FHIP1A: variants seen among roughly 807,000 people sequenced by gnomAD.
FHIP1A encodes the protein FHF complex subunit HOOK interacting protein 1A, also known as FHF complex subunit HOOK-interacting protein 1A.
In FHIP1A, 61 loss-of-function variants were observed where a neutral mutation model predicts 88.6. The observed-to-expected ratio is 0.69, with a 90% CI of 0.56 to 0.85. FHIP1A has a LOEUF of 0.85. Among genes scored for constraint, FHIP1A ranks in the 40% least tolerant of loss-of-function variants. The pLI is 0.00. For missense variants in FHIP1A, 1,154 were observed against 1,273.5 expected, an observed-to-expected ratio of 0.91 and a Z score of 1.43; for synonymous variants, 478 against 496.0, an observed-to-expected ratio of 0.96 and a Z score of 0.48.
chr4:151,493,197 A>C (rs771258354), intron 3 of FHIP1A, among the ~76,000 whole-genome samples: 2 of 152,190 alleles, frequency 1.3e-5, no homozygotes, highest in Non-Finnish European at 2.9e-5. Flanking sequence ...TACTATGAAC[A>C]CCTTTATGGC....
intron 1 of FHIP1A, among the ~76,000 whole-genome samples, chr4:151,422,590 C>T (rs1488856078): frequency 6.6e-6 from 1 of 152,098 alleles, no homozygotes; most frequent in Non-Finnish European, 1.5e-5. Context: ...GGGGTTTTGC[C>T]ATGTTGGCCA....
rs769507311 is a variant in FHIP1A at position 151,522,124 on chromosome 4, G to C, written c.-123+39476G>C. Among the ~76,000 whole-genome samples the C allele has an allele frequency of 4.4e-4, 67 of 152,138 alleles. 1 individual carries two copies. Among genetic ancestry groups the C allele is most frequent in the Admixed American group, 4.3e-3 (66 of 15,268 alleles). On this transcript the variant is annotated intron_variant, in intron 3 of 13. Transcript: ENST00000435205. ...TAAATCAATAAGAATCTTTAGGCAG[G>C]CTGTCCCCTTTTTCTCTCTTTCCTC... is the stretch of plus-strand genomic sequence containing the variant.
At chr4:151,538,120 G>A (rs1344110242) in intron 3 of FHIP1A, among the ~76,000 whole-genome samples, 1 of 152,286 alleles carries the variant, frequency 6.6e-6, no homozygotes, top group East Asian at 1.9e-4. Flanking sequence ...CGTTCCCTTA[G>A]ACCATAGTAG....
chr4:151,553,896 G>C (rs895930713), intron 3 of FHIP1A, among the ~76,000 whole-genome samples: 1 of 152,272 alleles, frequency 6.6e-6, no homozygotes, highest in Middle Eastern at 3.4e-3. Context: ...ATCACATCAT[G>C]TTTTTATCAG....
intron 3 of FHIP1A, among the ~76,000 whole-genome samples, chr4:151,556,024 A>G (rs1170289760): frequency 6.6e-6 from 1 of 152,130 alleles, no homozygotes; most frequent in Non-Finnish European, 1.5e-5. Flanking sequence ...TTTGGAGAGA[A>G]TAATTTTATT....
intron 8 of FHIP1A, 101 bp from the exon 9 acceptor site, chr4:151,638,576 A>C: frequency 1.5e-6 from 1 of 662,286 alleles, no homozygotes; most frequent in South Asian, 2.5e-5. Context: ...AAAAAAAAAA[A>C]AAGGCCATTA....
intron 3 of FHIP1A, among the ~76,000 whole-genome samples, chr4:151,553,769 T>C (rs1362890428): frequency 6.6e-6 from 1 of 152,202 alleles, no homozygotes; most frequent in Non-Finnish European, 1.5e-5. Flanking sequence ...CTCTGAAAGT[T>C]GGATATGTGA....
intron 1 of FHIP1A, among the ~76,000 whole-genome samples, chr4:151,423,772 A>C (rs1733263086): frequency 6.6e-6 from 1 of 152,214 alleles, no homozygotes; most frequent in South Asian, 2.1e-4. Context: ...GCAAAGCCAC[A>C]AAAGGTAGTG....
intron 3 of FHIP1A, among the ~76,000 whole-genome samples, chr4:151,489,990 C>T (rs1396815417): frequency 1.3e-5 from 2 of 152,278 alleles, no homozygotes; most frequent in East Asian, 3.9e-4. Context: ...AAGGTTATAT[C>T]CCCCTTCTAC....
At chr4:151,505,561 C>T (rs550801677) in intron 3 of FHIP1A, among the ~76,000 whole-genome samples, 5 of 152,206 alleles carry the variant, frequency 3.3e-5, no homozygotes, top group Non-Finnish European at 5.9e-5. Flanking sequence ...ACTCAGATGA[C>T]CACTGTGAAG....
At chr4:151,620,530 C>G (rs1393087984) in intron 7 of FHIP1A, among the ~76,000 whole-genome samples, 1 of 152,028 alleles carries the variant, frequency 6.6e-6, no homozygotes, top group Non-Finnish European at 1.5e-5. Context: ...CTCTTCTTGC[C>G]TGGTTTTATA....
intron 7 of FHIP1A, among the ~76,000 whole-genome samples, chr4:151,607,493 G>T (rs1735118513): frequency 6.6e-6 from 1 of 152,212 alleles, no homozygotes; most frequent in Non-Finnish European, 1.5e-5. Flanking sequence ...AAGAGGCTTT[G>T]ACTTGGGAAT....
intron 3 of FHIP1A, among the ~76,000 whole-genome samples, chr4:151,547,237 T>C (rs1732540279): frequency 6.6e-6 from 1 of 152,116 alleles, no homozygotes; most frequent in African/African-American, 2.4e-5. Context: ...GCTGGTGATA[T>C]GTTAGAAAGA....
chr4:151,629,868 G>T lies in FHIP1A; in HGVS notation c.1145G>T (p.Arg382Leu). ...ACGAGTCGAATCAACACCCCGTTTC[G>T]GGTAAGGAGAGCGCCAGAGGAAGGG... The part of the protein sequence containing the change: ...TLTSRINTPF[R>L]LCVVSLALFR... The change falls in exon 8 of 14, where the codon CGG (arginine) becomes CTG (leucine). Residue 382 changes from arginine (R) to leucine (L), a missense_variant and splice_region_variant. Physicochemically the swap from Arg to Leu is moderately radical, Grantham distance 102. Transcript: ENST00000435205. 1 of 1,550,518 alleles carries T rather than the reference G, an allele frequency of 6.4e-7. No individual in the cohort carries two copies. Among genetic ancestry groups the T allele is most frequent in the South Asian group, 1.2e-5 (1 of 83,878 alleles).
At chr4:151,636,928 C>G (rs1736378242) in intron 8 of FHIP1A, among the ~76,000 whole-genome samples, 1 of 152,110 alleles carries the variant, frequency 6.6e-6, no homozygotes, top group Non-Finnish European at 1.5e-5. Flanking sequence ...AAACTTTCTA[C>G]AAAGCTACAG....
intron 9 of FHIP1A, among the ~76,000 whole-genome samples, chr4:151,643,686 ATATTTGTCTTTTTGTGCCT>A (rs1736681794): frequency 6.6e-6 from 1 of 152,092 alleles, no homozygotes; most frequent in Admixed American, 6.5e-5. Flanking sequence ...AGAACATGTG[ATATTTGTCTTTTTGTGCCT>A]GGCTTATTTC....
intron 13 of FHIP1A, among the ~76,000 whole-genome samples, chr4:151,661,288 TGAA>T (rs1232964466): frequency 6.6e-6 from 1 of 152,144 alleles, no homozygotes; most frequent in Non-Finnish European, 1.5e-5. Context: ...TGCCGGGACA[TGAA>T]TTTCTGCTGA....
intron 8 of FHIP1A, among the ~76,000 whole-genome samples, chr4:151,631,109 A>G (rs1736141415): frequency 6.6e-6 from 1 of 152,188 alleles, no homozygotes; most frequent in East Asian, 1.9e-4. Context: ...GAAAAAGAAG[A>G]GCAAACAAAG....
intron 2 of FHIP1A, among the ~76,000 whole-genome samples, chr4:151,463,015 T>A (rs1729192176): frequency 6.6e-6 from 1 of 152,208 alleles, no homozygotes; most frequent in African/African-American, 2.4e-5. Flanking sequence ...GACTTCACAG[T>A]GTTGGCCGGT....
Sources: allele counts gnomAD v4.1 joint callset (sites outside exome capture counted in the v4.1 genomes callset), GRCh38; gene constraint gnomAD v4.1.1; transcripts MANE v1.5; gene names NCBI Gene and HGNC (gene_info 2026-07-23, HGNC 2026-07-21).